Variants in IGFN1 observed in about 807,000 individuals in gnomAD.
The protein encoded by IGFN1 is immunoglobulin-like and fibronectin type III domain-containing protein 1.
A neutral mutation model predicts 289.5 loss-of-function variants in IGFN1; 253 were observed. The ratio of observed to expected loss-of-function variants is 0.87; its 90% CI spans 0.79 to 0.97. The LOEUF (loss-of-function observed/expected upper bound fraction) is 0.97. IGFN1 is among the 50% of genes least tolerant of loss of function. The pLI, the probability that IGFN1 is intolerant of heterozygous loss-of-function variation, is 0.00. For missense variants in IGFN1, 4,470 were observed against 4,686.1 expected, an observed-to-expected ratio of 0.95 and a Z score of 1.35; for synonymous variants, 1,706 against 1,788.5, an observed-to-expected ratio of 0.95 and a Z score of 1.16.
rs1654271948 is a variant in IGFN1 at position 201,228,638 on chromosome 1, A to G, written c.*239A>G. 6.7e-6 allele frequency: 4 copies of G among 596,734 alleles called. No individual in the cohort carries two copies. Among genetic ancestry groups the G allele is most frequent in the Non-Finnish European group, 1.2e-5 (4 of 334,348 alleles). The allele number at this position is 596,734 out of a possible 1,614,324, so 37.0% of individuals were successfully genotyped here. ...TAAGTCACTCAACAGAATGACAGCG[A>G]ACCTCCTGGACCCTCACCATATGGG... On this transcript the variant is annotated 3_prime_UTR_variant, in exon 24 of 24. Coordinates refer to ENST00000335211, the MANE Select transcript of IGFN1 (RefSeq NM_001164586.2).
At chr1:201,196,106 A>C in intron 4 of IGFN1, 128 bp downstream of exon 4, 2 of 955,534 alleles carry the variant, frequency 2.1e-6, no homozygotes, top group South Asian at 2.0e-5. Flanking sequence ...AATCCATTCA[A>C]CTCCATCTCG....
rs755848161 is a variant in IGFN1 at position 201,217,311 on chromosome 1, C to G, written c.9620C>G (p.Pro3207Arg). The G allele has an allele frequency of 6.2e-7, 1 of 1,614,074 alleles. No individual in the cohort carries two copies. Among genetic ancestry groups the G allele is most frequent in the Admixed American group, 1.7e-5 (1 of 60,026 alleles). Residue 3207 changes from proline to arginine, a missense_variant, in exon 17 of 24, where the codon CCA (proline) becomes CGA (arginine). Pro to Arg is a moderately radical substitution (Grantham distance 103). This residue lies in a region of IGFN1 where 2,218 missense variants were observed against 2,114.1 expected (regional missense o/e 1.05). Coordinates refer to ENST00000335211, the MANE Select transcript of IGFN1 (RefSeq NM_001164586.2). ...GCTCTCCCCAAGGCCCCTTCCGCGC[C>G]AGCCATCCTGTCGGCCTCCAGCCAG... ...PEALPKAPSA[P>R]AILSASSQGI... is the part of the protein sequence containing the mutation.
chr1:201,198,671 C>A (rs1667014875), intron 5 of IGFN1, among the ~76,000 whole-genome samples: 2 of 152,110 alleles, frequency 1.3e-5, no homozygotes, highest in Non-Finnish European at 2.9e-5. Context: ...AAGCTATCCT[C>A]CCCCCTCGGC....
chr1:201,207,298 C>G lies in IGFN1; in HGVS notation c.2405C>G (p.Ala802Gly), dbSNP rs758474117. The G allele has an allele frequency of 5.7e-5, 87 of 1,536,546 alleles. No individual in the cohort carries two copies. In the Admixed American group the frequency reaches 1.7e-3, roughly 30 times the overall value. Residue 802 changes from alanine (A) to glycine (G), a missense_variant, in exon 12 of 24, where the codon GCC becomes GGC. Physicochemically the swap from Ala to Gly is moderately conservative, Grantham distance 60. Transcript: ENST00000335211. Reference protein sequence around the residue: ...RGRDGQETAWASGEVEYDPRS... With the variant: ...RGRDGQETAWGSGEVEYDPRS... Reference sequence around the variant, plus strand: ...AGGGATGGCCAGGAAACAGCTTGGGCCTCGGGTGAGGTAGAGTATGACCCC... The same window carrying G: ...AGGGATGGCCAGGAAACAGCTTGGGGCTCGGGTGAGGTAGAGTATGACCCC...
chr1:201,195,566 A>G (rs1022998798), intron 3 of IGFN1, among the ~76,000 whole-genome samples: 5 of 151,854 alleles, frequency 3.3e-5, no homozygotes, highest in Non-Finnish European at 1.5e-5. Context: ...CTCCCCTTTC[A>G]CCAGGGCCAG....
chr1:201,202,056 AG>A (rs1667189531), intron 9 of IGFN1, among the ~76,000 whole-genome samples: 1 of 152,130 alleles, frequency 6.6e-6, no homozygotes, highest in Non-Finnish European at 1.5e-5. Context: ...TGGGCTCTCC[AG>A]CTGGGCCTGT....
At chr1:201,204,139 A>T (rs1667290294) in intron 10 of IGFN1, among the ~76,000 whole-genome samples, 1 of 152,202 alleles carries the variant, frequency 6.6e-6, no homozygotes, top group Non-Finnish European at 1.5e-5. Flanking sequence ...TTACTGTCAC[A>T]GACATAGAAC....
intron 18 of IGFN1, 48 bp downstream of exon 18, chr1:201,218,706 A>G (rs1227641104): frequency 1.9e-6 from 3 of 1,559,328 alleles, no homozygotes; most frequent in Non-Finnish European, 1.7e-6. Context: ...AGCATGGGAT[A>G]GCCCTGAAGC....
intron 5 of IGFN1, 78 bp downstream of exon 5, chr1:201,197,395 G>C (rs1403258132): frequency 1.2e-6 from 1 of 851,476 alleles, no homozygotes; most frequent in East Asian, 2.7e-5. Flanking sequence ...CGTGGCTAGT[G>C]AGGGAGGGGA....
In IGFN1 at chr1:201,211,833, A is replaced by G. The variant is rs1667826477; in HGVS notation, c.6940A>G (p.Ile2314Val). 1 of 1,536,362 alleles carries G rather than the reference A, an allele frequency of 6.5e-7. No homozygotes were observed. Among genetic ancestry groups the G allele is most frequent in the Admixed American group, 2.0e-5 (1 of 50,906 alleles). Residue 2314 changes from isoleucine (I) to valine (V), a missense_variant, in exon 12 of 24, where the codon ATT becomes GTT. Physicochemically the swap from Ile to Val is conservative, Grantham distance 29. Around this residue, in one of 8 missense-constraint regions of IGFN1, gnomAD observed 2,218 missense variants for 2,114.1 expected, o/e 1.05. Transcript: ENST00000335211. ...GGGTAGTTTGGAGGATTCTGGGTAC[A>G]TTTTGTCATGGAATGAGGCAGGTTC... ...SRGSLEDSGY[I>V]LSWNEAGSRQ...
At chr1:201,204,998 A>C (rs1667337220) in intron 10 of IGFN1, 84 bp from the exon 11 acceptor site, 4 of 1,387,754 alleles carry the variant, frequency 2.9e-6, no homozygotes, top group South Asian at 1.4e-5. Context: ...CTAAGCCAGG[A>C]TTTCTGAATG....
Position 201,197,333 on chromosome 1 carries a change from A to C in IGFN1, c.367+16A>C. On this transcript the variant is annotated intron_variant, in intron 5 of 23. Transcript: ENST00000335211. ...GTCATCGAAGGTGGGCTTTTCCCTG[A>C]GTTTGTCTCATCAGTGCACAGGGCA... 6.9e-7 allele frequency: 1 copy of C among 1,458,176 alleles called. No individual in the cohort carries two copies. The highest frequency in any genetic ancestry group is 9.3e-7 in the Non-Finnish European group (1 of 1,074,014). The allele number at this position is 1,458,176 out of a possible 1,614,324, so 90.3% of individuals were successfully genotyped here.
At chr1:201,205,782 C>T (rs1427558354) in intron 11 of IGFN1, among the ~76,000 whole-genome samples, 2 of 152,252 alleles carry the variant, frequency 1.3e-5, no homozygotes, top group African/African-American at 4.8e-5. Context: ...CCTGCTGCGG[C>T]AGTTTGATAA....
chr1:201,222,813 C>A lies in IGFN1; in HGVS notation c.10276C>A (p.Pro3426Thr). 3 of 1,612,632 alleles carry A rather than the reference C, an allele frequency of 1.9e-6. No individual in the cohort carries two copies. The highest frequency in any genetic ancestry group is 2.5e-6 in the Non-Finnish European group (3 of 1,179,048). ...CAAGGTCGGGGACACAGTTCGTGTG[C>A]CCGTCTCCTTTGAAGTGAGTGTACC... ...TVKVGDTVRV[P>T]VSFEAMPMPE... Residue 3426 changes from proline (P) to threonine (T), a missense_variant, in exon 20 of 24, where the codon CCC (proline) becomes ACC (threonine). Pro to Thr is a conservative substitution (Grantham distance 38). Around this residue, in one of 8 missense-constraint regions of IGFN1, gnomAD observed 2,218 missense variants for 2,114.1 expected, o/e 1.05. Coordinates refer to ENST00000335211, the MANE Select transcript of IGFN1 (RefSeq NM_001164586.2).
chr1:201,215,056 T>A lies in IGFN1; in HGVS notation c.8897T>A (p.Val2966Glu). ...DGVIFKQDGLVHSLFITHVQG... is the reference protein window; with the variant it reads ...DGVIFKQDGLEHSLFITHVQG... ...GTCATCTTTAAGCAAGACGGTCTCG[T>A]GCACAGCCTCTTCATCACGCATGTG... The change falls in exon 14 of 24, where the codon GTG becomes GAG. Residue 2966 changes from valine (V) to glutamate (E), a missense_variant. Physicochemically the swap from Val to Glu is moderately radical, Grantham distance 121. Transcript: ENST00000335211. 1 of 1,614,124 alleles carries A rather than the reference T, an allele frequency of 6.2e-7. No individual in the cohort carries two copies. The highest frequency in any genetic ancestry group is 8.5e-7 in the Non-Finnish European group (1 of 1,180,016).
rs1654282313 is a variant in IGFN1, at chr1:201,228,789, G to A, written c.*390G>A. 1 of 228,868 alleles carries A rather than the reference G, an allele frequency of 4.4e-6. No individual in the cohort carries two copies. Among genetic ancestry groups the A allele is most frequent in the Admixed American group, 5.2e-5 (1 of 19,310 alleles). 14.2% of individuals were successfully genotyped at this position (228,868 alleles called of 1,614,324 possible). Reference sequence around the variant, plus strand: ...ACAGCTGGGCCTGCTGTGACCACTGGGAGGGAAGAGGAGAGGAGGTCAGAG... The same window carrying A: ...ACAGCTGGGCCTGCTGTGACCACTGAGAGGGAAGAGGAGAGGAGGTCAGAG... On this transcript the variant is annotated 3_prime_UTR_variant, in exon 24 of 24. Coordinates refer to ENST00000335211, the MANE Select transcript of IGFN1 (RefSeq NM_001164586.2).
chr1:201,223,212 T>A (rs897049913), intron 20 of IGFN1: 2 of 161,098 alleles, frequency 1.2e-5, no homozygotes, highest in Non-Finnish European at 2.7e-5. Flanking sequence ...GCACATGACC[T>A]ATATTTGACT....
At chr1:201,195,619 A>G (rs1666884137) in intron 3 of IGFN1, among the ~76,000 whole-genome samples, 1 of 152,118 alleles carries the variant, frequency 6.6e-6, no homozygotes, top group South Asian at 2.1e-4. Flanking sequence ...CTTCTGCAAT[A>G]TAGAAAGAGG....
chr1:201,193,125 T>C, intron 1 of IGFN1, 122 bp from the exon 2 acceptor site: 1 of 607,070 alleles, frequency 1.6e-6, no homozygotes, highest in South Asian at 2.0e-5. Flanking sequence ...TTAGAAAAGC[T>C]CTTGGGGGCA....
Sources: allele counts gnomAD v4.1 joint callset (sites outside exome capture counted in the v4.1 genomes callset), GRCh38; gene constraint gnomAD v4.1.1; regional missense constraint gnomAD v4.1.1; transcripts MANE v1.5; gene names NCBI Gene and HGNC (gene_info 2026-07-23, HGNC 2026-07-21).